PHACTR1: variants seen among roughly 807,000 people sequenced by gnomAD.
The protein encoded by PHACTR1 is phosphatase and actin regulator 1.
Under a neutral mutation model 69.2 loss-of-function variants are expected in PHACTR1, and 16 were observed. The observed-to-expected ratio is 0.23, with a 90% CI of 0.16 to 0.35. PHACTR1 has a LOEUF of 0.35. Among genes scored for constraint, PHACTR1 ranks in the 10% least tolerant of loss-of-function variants. The pLI, the probability that PHACTR1 is intolerant of heterozygous loss-of-function variation, is 1.00. For missense variants in PHACTR1, 510 were observed against 734.7 expected (o/e 0.69, Z 3.54); for synonymous variants, 312 against 284.5 (o/e 1.10, Z -0.97).
At chr6:13,054,946 C>T (rs1806546949) in intron 5 of PHACTR1, among the ~76,000 whole-genome samples, 1 of 152,174 alleles carries the variant, frequency 6.6e-6, no homozygotes, top group African/African-American at 2.4e-5. Flanking sequence ...TCTTCCATTT[C>T]TTGGGTTTCC....
intron 10 of PHACTR1, among the ~76,000 whole-genome samples, chr6:13,231,854 C>T (rs1269854391): frequency 6.6e-6 from 1 of 152,072 alleles, no homozygotes; most frequent in African/African-American, 2.4e-5. Context: ...TAAGATACAC[C>T]ATTTGTATAC....
intron 4 of PHACTR1, among the ~76,000 whole-genome samples, chr6:12,971,732 T>TA (rs1246899019): frequency 6.6e-6 from 1 of 152,210 alleles, no homozygotes; most frequent in African/African-American, 2.4e-5. Flanking sequence ...GCAAATATGC[T>TA]AAAAAATACC....
In PHACTR1 at chr6:13,195,757, C is replaced by CAAAAAAAAAAAAAAA. The variant is rs869092852; in HGVS notation, c.665-10049_665-10035dup. 8.6e-3 allele frequency among the ~76,000 whole-genome samples: 357 copies of CAAAAAAAAAAAAAAA among 41,410 alleles called. 58 individuals carry two copies. Among genetic ancestry groups the CAAAAAAAAAAAAAAA allele is most frequent in the East Asian group, 0.034 (117 of 3,460 alleles). 27.2% of individuals were successfully genotyped at this position (41,410 alleles called of 152,430 possible). On this transcript the variant is annotated intron_variant, in intron 7 of 14. Coordinates refer to ENST00000332995, the MANE Select transcript of PHACTR1 (RefSeq NM_030948.6). ...TGGGCGACAGAGAGAGACACCGTCTCAAAAAAAAAAAAAAAAAAAAAAAGT... is the reference window on the plus strand; with the variant it reads ...TGGGCGACAGAGAGAGACACCGTCTCAAAAAAAAAAAAAAAAAAAAAAAAAAAAAAAAAAAAAAGT...
At chr6:12,736,194 A>G (rs1287483396) in intron 3 of PHACTR1, among the ~76,000 whole-genome samples, 1 of 152,218 alleles carries the variant, frequency 6.6e-6, no homozygotes, top group Non-Finnish European at 1.5e-5. Flanking sequence ...TGTGAAACCT[A>G]TTTAAGATTA....
chr6:12,882,482 A>G (rs1783200335), intron 4 of PHACTR1, among the ~76,000 whole-genome samples: 1 of 152,204 alleles, frequency 6.6e-6, no homozygotes, highest in African/African-American at 2.4e-5. Context: ...AATACAAAAA[A>G]AAGAAGAAGA....
chr6:13,074,017 C>T (rs1013001467), intron 5 of PHACTR1, among the ~76,000 whole-genome samples: 89 of 151,896 alleles, frequency 5.9e-4, no homozygotes, highest in African/African-American at 2.1e-3. Flanking sequence ...GGATTACAGG[C>T]GTATGCCACC....
intron 8 of PHACTR1, among the ~76,000 whole-genome samples, chr6:13,219,285 C>T (rs1014028281): frequency 1.3e-5 from 2 of 152,118 alleles, no homozygotes; most frequent in Non-Finnish European, 2.9e-5. Context: ...CTGTTCCATC[C>T]TCTAGGGGAA....
At chr6:12,858,120 G>A (rs987006686) in intron 4 of PHACTR1, among the ~76,000 whole-genome samples, 4 of 152,142 alleles carry the variant, frequency 2.6e-5, no homozygotes, top group African/African-American at 9.7e-5. Flanking sequence ...TGCAGAAGTT[G>A]GAGTGCAAGG....
intron 5 of PHACTR1, among the ~76,000 whole-genome samples, chr6:13,125,637 A>G (rs975583449): frequency 6.6e-6 from 1 of 152,218 alleles, no homozygotes; most frequent in Non-Finnish European, 1.5e-5. Flanking sequence ...TGCTTTAAAA[A>G]ATATTGTGTT....
At chr6:13,055,878 C>T (rs574578462) in intron 5 of PHACTR1, among the ~76,000 whole-genome samples, 1 of 152,348 alleles carries the variant, frequency 6.6e-6, no homozygotes, top group South Asian at 2.1e-4. Context: ...AAACATGTGA[C>T]AAGCAGAGTT....
At chr6:13,158,323 A>G (rs1758486473) in intron 5 of PHACTR1, among the ~76,000 whole-genome samples, 1 of 152,144 alleles carries the variant, frequency 6.6e-6, no homozygotes, top group Non-Finnish European at 1.5e-5. Flanking sequence ...CTGGTTTGAC[A>G]AATAAAACTC....
intron 5 of PHACTR1, among the ~76,000 whole-genome samples, chr6:13,113,791 A>G (rs1156840099): frequency 1.3e-5 from 2 of 152,168 alleles, no homozygotes; most frequent in East Asian, 1.9e-4. Flanking sequence ...TTTTACAATT[A>G]TGAGGACTGG....
In PHACTR1 at chr6:13,287,271, C is replaced by T. The variant is rs750290688; in HGVS notation, c.*193C>T. On this transcript the variant is annotated 3_prime_UTR_variant, in exon 15 of 15. Transcript: ENST00000332995. ...ACGCAAAAGTGATGGCTCGGCGGTC[C>T]GAGCTGCTGGTCCCACTTCTGACAC... 6.7e-5 allele frequency: 42 copies of T among 628,768 alleles called. No homozygotes were observed. The highest frequency in any genetic ancestry group is 9.4e-5 in the African/African-American group (5 of 53,196). 38.9% of individuals were successfully genotyped at this position (628,768 alleles called of 1,614,324 possible).
intron 4 of PHACTR1, among the ~76,000 whole-genome samples, chr6:12,878,456 T>C (rs1474871313): frequency 1.3e-5 from 2 of 152,224 alleles, no homozygotes; most frequent in Non-Finnish European, 2.9e-5. Context: ...GAGTATTTCT[T>C]AGGTCACAGA....
intron 5 of PHACTR1, among the ~76,000 whole-genome samples, chr6:13,121,747 G>A (rs1040521162): frequency 1.3e-5 from 2 of 152,144 alleles, no homozygotes; most frequent in African/African-American, 2.4e-5. Flanking sequence ...AAGACACATC[G>A]ATGTCTCTTT....
At chr6:12,861,350 C>T (rs1216593124) in intron 4 of PHACTR1, among the ~76,000 whole-genome samples, 1 of 152,198 alleles carries the variant, frequency 6.6e-6, no homozygotes, top group African/African-American at 2.4e-5. Context: ...AGACTACACA[C>T]AGGTCCTGTT....
chr6:13,182,655 G>A lies in PHACTR1; in HGVS notation c.633G>A (p.Val211=), dbSNP rs373983813. The change falls in exon 7 of 15, where the codon GTG becomes GTA. Residue 211 remains valine (V), a synonymous_variant. Coordinates refer to ENST00000332995, the MANE Select transcript of PHACTR1 (RefSeq NM_030948.6). ...CCAGGGATCCCTGCTCATATGAGGT[G>A]CTCCAACCGTCAGACATCATGGATG... ...PMPRDPCSYE[V]LQPSDIMDGP... is the part of the protein sequence containing the mutation. 4.3e-5 allele frequency: 68 copies of A among 1,583,630 alleles called. No individual in the cohort carries two copies. Among genetic ancestry groups the A allele is most frequent in the Middle Eastern group, 1.7e-4 (1 of 5,756 alleles).
At chr6:13,278,196 A>G (rs955195023) in intron 11 of PHACTR1, 72 bp from the exon 12 acceptor site, 1 of 1,435,412 alleles carries the variant, frequency 7.0e-7, no homozygotes, top group African/African-American at 1.4e-5. Context: ...AGAGCCTGCC[A>G]AGGTCCAAAG....
chr6:13,253,476 G>A (rs1315236282), intron 10 of PHACTR1, among the ~76,000 whole-genome samples: 3 of 152,174 alleles, frequency 2.0e-5, no homozygotes, highest in South Asian at 2.1e-4. Context: ...AATATTGCCT[G>A]TGACAGTCCC....
Sources: allele counts gnomAD v4.1 joint callset (sites outside exome capture counted in the v4.1 genomes callset), GRCh38; gene constraint gnomAD v4.1.1; transcripts MANE v1.5; gene names NCBI Gene and HGNC (gene_info 2026-07-23, HGNC 2026-07-21).